The following RICTOR variants were observed in gnomAD, a reference collection of about 807,000 sequenced individuals.
RICTOR encodes RPTOR independent companion of MTOR complex 2, also known as rapamycin-insensitive companion of mTOR.
In RICTOR, 49 loss-of-function variants were observed where a neutral mutation model predicts 214.9. The observed-to-expected ratio is 0.23, with a 90% CI of 0.18 to 0.29. The LOEUF (loss-of-function observed/expected upper bound fraction) is 0.29. Ranked by LOEUF, RICTOR falls within the 10% of genes least tolerant of loss-of-function variation. The probability of loss-of-function intolerance (pLI) is 1.00; values close to 1 mark genes in which losing one functional copy is unlikely to be tolerated. For synonymous variants in RICTOR, 717 were observed against 711.3 expected (o/e 1.01, Z -0.13); for missense variants, 1,625 against 2,047.0 (o/e 0.79, Z 3.98).
At chr5:39,002,169 C>CAAA (rs70982532) in intron 5 of RICTOR, among the ~76,000 whole-genome samples, 8 of 122,554 alleles carry the variant, frequency 6.5e-5, no homozygotes, top group African/African-American at 2.2e-4. Flanking sequence ...TGTTACACAG[C>CAAA]AAAAAAAAAA....
intron 6 of RICTOR, among the ~76,000 whole-genome samples, chr5:38,993,275 T>C (rs1396628643): frequency 6.6e-6 from 1 of 152,120 alleles, no homozygotes; most frequent in African/African-American, 2.4e-5. Flanking sequence ...ATGTAAAAAG[T>C]TTGTGGAATT....
At chr5:39,005,473 C>T (rs1753985544) in intron 3 of RICTOR, among the ~76,000 whole-genome samples, 1 of 151,736 alleles carries the variant, frequency 6.6e-6, no homozygotes, top group Non-Finnish European at 1.5e-5. Context: ...GTATTATTCC[C>T]TTCTTGAATT....
chr5:39,000,361 A>C (rs1340741229), intron 5 of RICTOR, among the ~76,000 whole-genome samples: 1 of 152,010 alleles, frequency 6.6e-6, no homozygotes, highest in Non-Finnish European at 1.5e-5. Context: ...AAGACTTTAG[A>C]TGAATGGAAA....
At chr5:39,035,366 T>C (rs75232882) in intron 2 of RICTOR, among the ~76,000 whole-genome samples, 1 of 151,802 alleles carries the variant, frequency 6.6e-6, no homozygotes, top group Admixed American at 6.6e-5. Flanking sequence ...ACCACAAAGA[T>C]GGGGAAAAAA....
chr5:39,018,550 T>C (rs1755145113), intron 3 of RICTOR, among the ~76,000 whole-genome samples: 1 of 152,116 alleles, frequency 6.6e-6, no homozygotes, highest in Non-Finnish European at 1.5e-5. Context: ...ACTAAAAATG[T>C]TTTCATTATT....
At chr5:38,995,335 T>A (rs1753098963) in intron 6 of RICTOR, among the ~76,000 whole-genome samples, 1 of 152,178 alleles carries the variant, frequency 6.6e-6, no homozygotes, top group Non-Finnish European at 1.5e-5. Flanking sequence ...ATATTGTATG[T>A]TCCCTGCTTA....
intron 2 of RICTOR, among the ~76,000 whole-genome samples, chr5:39,060,312 T>G (rs1315743587): frequency 6.6e-6 from 1 of 152,104 alleles, no homozygotes; most frequent in Non-Finnish European, 1.5e-5. Context: ...TAGAGACTCT[T>G]AATTCTTCAT....
intron 2 of RICTOR, among the ~76,000 whole-genome samples, chr5:39,069,413 A>T (rs1759147303): frequency 6.6e-6 from 1 of 152,190 alleles, no homozygotes; most frequent in South Asian, 2.1e-4. Context: ...AAATGAAGAG[A>T]AGATCTTAGT....
intron 8 of RICTOR, among the ~76,000 whole-genome samples, chr5:38,980,587 G>A (rs372284352): frequency 6.6e-6 from 1 of 152,114 alleles, no homozygotes; most frequent in Non-Finnish European, 1.5e-5. Flanking sequence ...GCTCATACCT[G>A]TAAGCCCAGC....
intron 9 of RICTOR, among the ~76,000 whole-genome samples, chr5:38,975,958 CTT>C (rs1024278291): frequency 1.3e-5 from 2 of 152,182 alleles, no homozygotes; most frequent in African/African-American, 4.8e-5. Flanking sequence ...ACAAAAACCT[CTT>C]AATTTTAATC....
rs376772272 is a variant in RICTOR at position 38,967,362 on chromosome 5, T to C, written c.1126A>G (p.Ile376Val). The part of the protein sequence containing the change: ...DGFVAAEAKT[I>V]LPHRARSRPD... ...CTGGATCTGGCACGATGAGGAAGAA[T>C]AGTTTTTGCCTCAGCTGCCACAAAG... is the stretch of plus-strand genomic sequence containing the variant. Residue 376 changes from isoleucine to valine, a missense_variant, in exon 13 of 38, where the codon ATT becomes GTT. Around this residue, in one of 5 missense-constraint regions of RICTOR, gnomAD observed 1,214 missense variants for 1,470.5 expected, o/e 0.83. Coordinates refer to ENST00000357387, the MANE Select transcript of RICTOR (RefSeq NM_152756.5). The C allele has an allele frequency of 1.4e-5, 22 of 1,613,768 alleles. No homozygotes were observed. Among genetic ancestry groups the C allele is most frequent in the African/African-American group, 8.0e-5 (6 of 75,050 alleles).
intron 7 of RICTOR, among the ~76,000 whole-genome samples, chr5:38,990,567 C>T (rs147778553): frequency 0.019 from 2,677 of 143,322 alleles, 60 homozygotes; most frequent in Middle Eastern, 0.031. Flanking sequence ...GATATATACA[C>T]GATATATATG....
At chr5:38,986,792 C>T (rs1752204107) in intron 7 of RICTOR, among the ~76,000 whole-genome samples, 1 of 152,192 alleles carries the variant, frequency 6.6e-6, no homozygotes, top group Admixed American at 6.5e-5. Context: ...GCATCTTTGT[C>T]TTGTGCCGGT....
rs1554057796 is a variant in RICTOR, at chr5:38,940,153, A to AAC, written c.*2149_*2150dup. On this transcript the variant is annotated 3_prime_UTR_variant, in exon 38 of 38. Transcript: ENST00000357387. ...AGTAAAAAAAAAAAACAAAAAAAAA[A>AAC]ACACAAAACATTCAGGCCAATACTA... 159 of 228,970 alleles carry AAC rather than the reference A, an allele frequency of 6.9e-4. No homozygotes were observed. Among genetic ancestry groups the AAC allele is most frequent in the African/African-American group, 3.4e-3 (150 of 44,624 alleles). The allele number at this position is 228,970 out of a possible 1,614,324, so 14.2% of individuals were successfully genotyped here. A position where few individuals can be genotyped will look rare whatever the true frequency, so the allele number is the denominator to read the frequency against.
At chr5:39,017,162 G>C (rs1205351901) in intron 3 of RICTOR, among the ~76,000 whole-genome samples, 1 of 152,062 alleles carries the variant, frequency 6.6e-6, no homozygotes, top group Non-Finnish European at 1.5e-5. Context: ...CCAACTTTCA[G>C]AATCCTGTTG....
At chr5:38,978,273 C>T (rs1239069963) in intron 9 of RICTOR, among the ~76,000 whole-genome samples, 4 of 152,126 alleles carry the variant, frequency 2.6e-5, no homozygotes, top group Non-Finnish European at 4.4e-5. Context: ...CTACTATCTA[C>T]TGTTATTTCA....
In RICTOR at chr5:38,938,381, T is replaced by C. The variant is rs1389431555; in HGVS notation, c.*3923A>G. 1 of 230,610 alleles carries C rather than the reference T, an allele frequency of 4.3e-6. No homozygotes were observed. The highest frequency in any genetic ancestry group is 8.6e-6 in the Non-Finnish European group (1 of 116,256). The allele number at this position is 230,610 out of a possible 1,614,324, so 14.3% of individuals were successfully genotyped here. Reference sequence around the variant, plus strand: ...TTTCTGACAGGTATTTTTGTAACAATTACCTATAAAATTTTTTTCACTCCC... The same window carrying C: ...TTTCTGACAGGTATTTTTGTAACAACTACCTATAAAATTTTTTTCACTCCC... On this transcript the variant is annotated 3_prime_UTR_variant, in exon 38 of 38. Coordinates refer to ENST00000357387, the MANE Select transcript of RICTOR (RefSeq NM_152756.5).
chr5:39,054,165 G>A (rs16868028), intron 2 of RICTOR, among the ~76,000 whole-genome samples: 6,780 of 151,918 alleles, frequency 0.045, 281 homozygotes, highest in African/African-American at 0.1. Context: ...ACAGATTGCC[G>A]GGATCACATT....
At chr5:38,965,785 T>C (rs988317672) in intron 15 of RICTOR, among the ~76,000 whole-genome samples, 3 of 151,922 alleles carry the variant, frequency 2.0e-5, no homozygotes, top group South Asian at 2.1e-4. Flanking sequence ...CCAGTTGCTA[T>C]GAAGGGAAAA....
Sources: gnomAD v4.1 joint callset for allele counts (sites outside exome capture counted in the v4.1 genomes callset) on GRCh38, gnomAD v4.1.1 for gene constraint, gnomAD v4.1.1 regional missense constraint, MANE v1.5 for transcripts, NCBI Gene and HGNC (gene_info 2026-07-23, HGNC 2026-07-21) for gene names.